The following LINGO2 variants were observed in gnomAD, a reference collection of about 807,000 sequenced individuals.
LINGO2 encodes leucine rich repeat and Ig domain containing 2.
In LINGO2, 14 loss-of-function variants were observed where a neutral mutation model predicts 30.6. That is an observed-to-expected ratio of 0.46 (90% confidence interval 0.30 to 0.72). The LOEUF is 0.72. Among genes scored for constraint, LINGO2 ranks in the 30% least tolerant of loss-of-function variants. The pLI, the probability that LINGO2 is intolerant of heterozygous loss-of-function variation, is 0.07. For missense variants in LINGO2, 729 were observed against 751.7 expected (o/e 0.97, Z 0.35); for synonymous variants, 317 against 288.5 (o/e 1.10, Z -1.00).
At chr9:29,073,647 T>C in the LINGO2 span, among the ~76,000 whole-genome samples, 1 of 152,306 alleles carries the variant, frequency 6.6e-6, no homozygotes, top group East Asian at 1.9e-4. Flanking sequence ...AGTTCCATAG[T>C]TGGAACAGAA....
At chr9:28,459,621 T>C (rs1824994591) in intron 2 of LINGO2, among the ~76,000 whole-genome samples, 1 of 152,092 alleles carries the variant, frequency 6.6e-6, no homozygotes, top group Admixed American at 6.6e-5. Context: ...TTTTCGCTCC[T>C]TAGAATCAGA....
chr9:28,822,279 A>G, the LINGO2 span, among the ~76,000 whole-genome samples: 6 of 152,202 alleles, frequency 3.9e-5, no homozygotes, highest in African/African-American at 1.4e-4. Flanking sequence ...GCATACTTCA[A>G]GTTTCTCAAG....
At chr9:29,181,427 T>C in the LINGO2 span, among the ~76,000 whole-genome samples, 18 of 152,278 alleles carry the variant, frequency 1.2e-4, no homozygotes, top group Non-Finnish European at 7.4e-5. Context: ...GTAGCAAACT[T>C]TAAATTTGAA....
At chr9:27,971,169 C>G (rs576537218) in intron 5 of LINGO2, among the ~76,000 whole-genome samples, 2 of 151,746 alleles carry the variant, frequency 1.3e-5, no homozygotes, top group South Asian at 4.2e-4. Context: ...ACATACTAAA[C>G]GTCACAATCT....
the LINGO2 span, among the ~76,000 whole-genome samples, chr9:29,054,613 G>T: frequency 6.6e-6 from 1 of 152,090 alleles, no homozygotes; most frequent in African/African-American, 2.4e-5. Context: ...TATTTTCTGT[G>T]TTCACAATTA....
chr9:28,795,559 C>T, the LINGO2 span, among the ~76,000 whole-genome samples: 120,787 of 151,248 alleles, frequency 0.8, 48,230 homozygotes, highest in East Asian at 0.89. Flanking sequence ...TGCATATATA[C>T]CTTTAATATA....
At chr9:29,102,149 T>G in the LINGO2 span, among the ~76,000 whole-genome samples, 1 of 152,140 alleles carries the variant, frequency 6.6e-6, no homozygotes, top group South Asian at 2.1e-4. Context: ...TGGCGCAATT[T>G]TGGCTCACTA....
At chr9:29,154,081 G>C in the LINGO2 span, among the ~76,000 whole-genome samples, 1 of 152,002 alleles carries the variant, frequency 6.6e-6, no homozygotes, top group African/African-American at 2.4e-5. Flanking sequence ...TACTACACTT[G>C]GATTAATAGT....
At chr9:28,370,711 C>A (rs1457603303) in intron 3 of LINGO2, among the ~76,000 whole-genome samples, 1 of 152,100 alleles carries the variant, frequency 6.6e-6, no homozygotes, top group Non-Finnish European at 1.5e-5. Flanking sequence ...GGTTTCTATT[C>A]CAAATGAAAG....
chr9:28,757,489 C>G, the LINGO2 span, among the ~76,000 whole-genome samples: 1 of 151,900 alleles, frequency 6.6e-6, no homozygotes, highest in South Asian at 2.1e-4. Flanking sequence ...GGTAACTTGA[C>G]CCCCCTAAGA....
chr9:28,926,887 C>T, the LINGO2 span, among the ~76,000 whole-genome samples: 1 of 152,110 alleles, frequency 6.6e-6, no homozygotes, highest in Admixed American at 6.6e-5. Flanking sequence ...CTGTCTTCTC[C>T]TCATCCCTCA....
intron 4 of LINGO2, among the ~76,000 whole-genome samples, chr9:28,027,344 T>G (rs150115512): frequency 6.6e-6 from 1 of 152,330 alleles, no homozygotes; most frequent in Non-Finnish European, 1.5e-5. Flanking sequence ...CTCTGGAATT[T>G]GGCTGTAGTT....
At chr9:28,789,173 T>C in the LINGO2 span, among the ~76,000 whole-genome samples, 4 of 152,160 alleles carry the variant, frequency 2.6e-5, no homozygotes, top group African/African-American at 9.7e-5. Flanking sequence ...TTGTTGTTTA[T>C]GACATTGGGC....
Position 28,314,429 on chromosome 9 carries a change from C to A in LINGO2, c.-245-19063G>T, listed in dbSNP as rs10968493. Among the ~76,000 whole-genome samples, 2,461 of 152,230 alleles carry A rather than the reference C, an allele frequency of 0.016. 144 individuals are homozygous for A. In the East Asian group the frequency reaches 0.2, roughly 12 times the overall value. ...TTTAGAGGAGAAAAGGAGCTTAACC[C>A]TGTACTCTAACACCTTCCTTCCACC... is the stretch of plus-strand genomic sequence containing the variant. On this transcript the variant is annotated intron_variant, in intron 3 of 5. Transcript: ENST00000379992.
chr9:28,850,855 A>G, the LINGO2 span, among the ~76,000 whole-genome samples: 1 of 151,976 alleles, frequency 6.6e-6, no homozygotes. Context: ...CAGAGAGGAA[A>G]TTCTCCCCAA....
chr9:28,400,811 G>A (rs1822232931), intron 2 of LINGO2, among the ~76,000 whole-genome samples: 1 of 152,130 alleles, frequency 6.6e-6, no homozygotes, highest in African/African-American at 2.4e-5. Context: ...TAAGGTAAAG[G>A]GAGCATGTAA....
downstream of LINGO2, among the ~76,000 whole-genome samples, chr9:27,946,234 A>G (rs1476104226): frequency 3.9e-5 from 6 of 152,120 alleles, no homozygotes; most frequent in African/African-American, 1.4e-4. Flanking sequence ...GCTCATATAG[A>G]TTTTGAATCT....
intron 2 of LINGO2, among the ~76,000 whole-genome samples, chr9:28,379,059 C>T (rs927902474): frequency 6.6e-6 from 1 of 151,964 alleles, no homozygotes; most frequent in Non-Finnish European, 1.5e-5. Flanking sequence ...CAGAGCTTAT[C>T]AGCATGGAAA....
chr9:29,046,940 G>T, the LINGO2 span, among the ~76,000 whole-genome samples: 2 of 92,636 alleles, frequency 2.2e-5, no homozygotes, highest in Admixed American at 1.2e-4. Flanking sequence ...TTAGCCAGGC[G>T]TGGTGGCACG....
Sources: gnomAD v4.1 joint callset for allele counts (sites outside exome capture counted in the v4.1 genomes callset) on GRCh38, gnomAD v4.1.1 for gene constraint, MANE v1.5 for transcripts, NCBI Gene and HGNC (gene_info 2026-07-23, HGNC 2026-07-21) for gene names.